The following FAM162A variants were observed in gnomAD, a reference collection of about 807,000 sequenced individuals.
FAM162A encodes protein FAM162A.
FAM162A carries 23 observed loss-of-function variants against 21.8 expected under a neutral mutation model. The ratio of observed to expected loss-of-function variants is 1.05; its 90% CI spans 0.76 to 1.49. The LOEUF is 1.49. FAM162A is among the 40% of genes most tolerant of loss of function. FAM162A has a pLI of 0.00. For synonymous variants in FAM162A, 53 were observed against 61.3 expected (o/e 0.86, Z 0.64); for missense variants, 165 against 186.4 (o/e 0.89, Z 0.67).
intron 1 of FAM162A, among the ~76,000 whole-genome samples, chr3:122,387,538 G>A (rs6788377): frequency 0.6 from 90,919 of 152,080 alleles, 27,405 homozygotes; most frequent in East Asian, 0.69. Flanking sequence ...GACATAGCCA[G>A]TATCCCCTGG....
chr3:122,402,628 A>G (rs937552292), intron 1 of FAM162A, 132 bp from the exon 2 acceptor site: 3 of 728,612 alleles, frequency 4.1e-6, no homozygotes, highest in Non-Finnish European at 6.2e-6. Context: ...TGTGTATCTT[A>G]CATATAGTAA....
At chr3:122,394,323 A>C (rs1011154824) in intron 1 of FAM162A, among the ~76,000 whole-genome samples, 10 of 152,208 alleles carry the variant, frequency 6.6e-5, no homozygotes, top group African/African-American at 2.4e-4. Context: ...TCAGAAGGCT[A>C]AGGCAGTGTT....
chr3:122,401,618 T>C, intron 1 of FAM162A: 1 of 1,021,558 alleles, frequency 9.8e-7, no homozygotes, highest in Non-Finnish European at 1.3e-6. Flanking sequence ...AAGTATAGTC[T>C]GATTAAAATA....
intron 1 of FAM162A, among the ~76,000 whole-genome samples, chr3:122,390,383 A>G (rs901101567): frequency 2.0e-5 from 3 of 152,152 alleles, no homozygotes; most frequent in Non-Finnish European, 2.9e-5. Flanking sequence ...TTTCAGATAG[A>G]CACTCTGGGG....
chr3:122,391,701 C>G (rs928015218), intron 1 of FAM162A, among the ~76,000 whole-genome samples: 2 of 152,200 alleles, frequency 1.3e-5, no homozygotes, highest in Admixed American at 1.3e-4. Flanking sequence ...TCTGTTCTGG[C>G]CATACTGGCC....
At chr3:122,401,627 T>TC in intron 1 of FAM162A, 1 of 956,806 alleles carries the variant, frequency 1.0e-6, no homozygotes, top group Non-Finnish European at 1.4e-6. Context: ...CTGATTAAAA[T>TC]AGTATATATC....
rs1020139426 is a variant in FAM162A, at chr3:122,411,011, A to C, written c.*1180A>C. 6.6e-6 allele frequency: 1 copy of C among 152,262 alleles called. No individual in the cohort carries two copies. The highest frequency in any genetic ancestry group is 2.4e-5 in the African/African-American group (1 of 41,472). 9.4% of individuals were successfully genotyped at this position (152,262 alleles called of 1,614,324 possible). A position where few individuals can be genotyped will look rare whatever the true frequency, so the allele number is the denominator to read the frequency against. ...CCTAATTTATAAAATAAACGGTATC[A>C]TAGGTATGTATGTATACGAAAAACA... On this transcript the variant is annotated 3_prime_UTR_variant, in exon 5 of 5. Coordinates refer to ENST00000477892, the MANE Select transcript of FAM162A (RefSeq NM_014367.4).
chr3:122,391,475 A>G (rs1040551358), intron 1 of FAM162A, among the ~76,000 whole-genome samples: 1 of 152,252 alleles, frequency 6.6e-6, no homozygotes, highest in Non-Finnish European at 1.5e-5. Flanking sequence ...CTATTATTCT[A>G]ATATCTATAA....
intron 1 of FAM162A, among the ~76,000 whole-genome samples, chr3:122,393,492 A>G (rs1576248311): frequency 6.6e-6 from 1 of 152,200 alleles, no homozygotes; most frequent in Non-Finnish European, 1.5e-5. Context: ...GAAAACCAGC[A>G]GCCTTGCAGG....
chr3:122,391,465 CTAT>C (rs1256171967), intron 1 of FAM162A, among the ~76,000 whole-genome samples: 8 of 152,300 alleles, frequency 5.3e-5, no homozygotes, highest in South Asian at 2.1e-4. Context: ...TTACATTAGT[CTAT>C]TATTCTAATA....
At chr3:122,408,107 T>G (rs2075685187) in intron 4 of FAM162A, 1 of 152,114 alleles carries the variant, frequency 6.6e-6, no homozygotes, top group Admixed American at 6.5e-5. Flanking sequence ...TAGACCCAAT[T>G]CAGGTAATAG....
At chr3:122,390,527 A>G (rs895270935) in intron 1 of FAM162A, among the ~76,000 whole-genome samples, 5 of 152,184 alleles carry the variant, frequency 3.3e-5, no homozygotes, top group Admixed American at 1.3e-4. Context: ...CTCACTGTCT[A>G]TCATGGGGTT....
intron 1 of FAM162A, among the ~76,000 whole-genome samples, chr3:122,388,222 T>C (rs2075583389): frequency 6.6e-6 from 1 of 152,204 alleles, no homozygotes. Context: ...AGTTTGGAGA[T>C]ACTGAGTAAG....
chr3:122,389,048 C>CAA lies in FAM162A; in HGVS notation c.34+4762_34+4763dup, dbSNP rs375756653. On this transcript the variant is annotated intron_variant, in intron 1 of 4. Transcript: ENST00000477892. ...TGGGCAACAGAGCAAGACTCCGTCT[C>CAA]AAAAAAAAAAAAAATGTATTCATAT... Among the ~76,000 whole-genome samples, 185 of 126,122 alleles carry CAA rather than the reference C, an allele frequency of 1.5e-3. 1 individual carries two copies. The highest frequency in any genetic ancestry group is 4.2e-3 in the Middle Eastern group (1 of 238). The allele number at this position is 126,122 out of a possible 152,430, so 82.7% of individuals were successfully genotyped here.
rs768322150 is a variant in FAM162A, at chr3:122,404,374, A to G, written c.263+11A>G. On this transcript the variant is annotated intron_variant, in intron 3 of 4. Transcript: ENST00000477892. Reference sequence around the variant, plus strand: ...CCCAGAGACTGTCTCGTGAGTGCTGAATTTAGTATTACAAGCAGCTTTCAT... The same window carrying G: ...CCCAGAGACTGTCTCGTGAGTGCTGGATTTAGTATTACAAGCAGCTTTCAT... 1 of 1,422,982 alleles carries G rather than the reference A, an allele frequency of 7.0e-7. No homozygotes were observed. The allele number at this position is 1,422,982 out of a possible 1,614,324, so 88.1% of individuals were successfully genotyped here. A position where few individuals can be genotyped will look rare whatever the true frequency, so the allele number is the denominator to read the frequency against.
At chr3:122,389,182 A>G (rs961310374) in intron 1 of FAM162A, among the ~76,000 whole-genome samples, 1 of 152,230 alleles carries the variant, frequency 6.6e-6, no homozygotes, top group African/African-American at 2.4e-5. Flanking sequence ...TAGTAGATAC[A>G]TGCCATTTAT....
intron 3 of FAM162A, among the ~76,000 whole-genome samples, chr3:122,405,733 G>A (rs571351571): frequency 7.2e-5 from 11 of 152,166 alleles, no homozygotes; most frequent in Non-Finnish European, 1.5e-4. Context: ...CCTTGTGCTG[G>A]TAGTTCTGAA....
chr3:122,407,665 T>C (rs1230697309), intron 4 of FAM162A: 4 of 467,676 alleles, frequency 8.6e-6, no homozygotes, highest in Non-Finnish European at 7.6e-6. Context: ...ACAGGTGTCA[T>C]AATGTAAATT....
intron 1 of FAM162A, among the ~76,000 whole-genome samples, chr3:122,389,331 A>C (rs928838765): frequency 1.3e-5 from 2 of 152,152 alleles, no homozygotes; most frequent in Admixed American, 1.3e-4. Context: ...AGTAACTACT[A>C]GTAGAAGTTA....
Sources: allele counts gnomAD v4.1 joint callset (sites outside exome capture counted in the v4.1 genomes callset), GRCh38; gene constraint gnomAD v4.1.1; transcripts MANE v1.5; gene names NCBI Gene and HGNC (gene_info 2026-07-23, HGNC 2026-07-21).